JAKMIP1: variants seen among roughly 807,000 people sequenced by gnomAD.
The protein encoded by JAKMIP1 is janus kinase and microtubule interacting protein 1.
In JAKMIP1, 33 loss-of-function variants were observed where a neutral mutation model predicts 113.0. That is an observed-to-expected ratio of 0.29 (90% CI 0.22 to 0.39). The LOEUF is 0.39. Among genes scored for constraint, JAKMIP1 ranks in the 10% least tolerant of loss-of-function variants. The probability of loss-of-function intolerance (pLI) is 1.00; values close to 1 mark genes in which losing one functional copy is unlikely to be tolerated. For missense variants in JAKMIP1, 813 were observed against 1,080.5 expected, an observed-to-expected ratio of 0.75 and a Z score of 3.47; for synonymous variants, 480 against 459.9, an observed-to-expected ratio of 1.04 and a Z score of -0.56.
intron 1 of JAKMIP1, among the ~76,000 whole-genome samples, chr4:6,189,515 A>G (rs569122724): frequency 2.0e-5 from 3 of 152,316 alleles, no homozygotes; most frequent in South Asian, 2.1e-4. Flanking sequence ...CCCTCCCAAC[A>G]CTGACATTAT....
chr4:6,070,305 C>T lies in JAKMIP1; in HGVS notation c.1303-5297G>A, dbSNP rs147857326. On this transcript the variant is annotated intron_variant, in intron 8 of 20. Coordinates refer to ENST00000409021, the MANE Select transcript of JAKMIP1 (RefSeq NM_001099433.2). Reference sequence around the variant, plus strand: ...CCACGCACTCCCCTTTCCTCTAACACACCCGCCCTAGCAACTCCACGGCTT... The same window carrying T: ...CCACGCACTCCCCTTTCCTCTAACATACCCGCCCTAGCAACTCCACGGCTT... The T allele has an allele frequency of 2.4e-4, 94 of 388,936 alleles. 1 individual carries two copies. Among genetic ancestry groups the T allele is most frequent in the African/African-American group, 1.0e-3 (51 of 48,594 alleles). 24.1% of individuals were successfully genotyped at this position (388,936 alleles called of 1,614,324 possible). A position where few individuals can be genotyped will look rare whatever the true frequency, so the allele number is the denominator to read the frequency against.
Position 6,186,355 on chromosome 4 carries a change from G to A in JAKMIP1, c.-148+13898C>T, listed in dbSNP as rs1726656160. On this transcript the variant is annotated intron_variant, in intron 1 of 20. Transcript: ENST00000409021. This position sits in a 1 kb window ranked among gnomAD's most constrained non-coding sequence, Gnocchi z 5.5. The stretch of plus-strand genomic sequence containing the variant: ...TTAGAGTCAGGGAAGTAGTCAAGTA[G>A]TCAGTTTGCAAAGGCAAGTGAAGGG... Among the ~76,000 whole-genome samples, 1 of 152,182 alleles carries A rather than the reference G, an allele frequency of 6.6e-6. No individual in the cohort carries two copies. Among genetic ancestry groups the A allele is most frequent in the Admixed American group, 6.5e-5 (1 of 15,280 alleles).
rs1304972748 is a variant in JAKMIP1 at position 6,167,674 on chromosome 4, T to C, written c.-148+32579A>G. Among the ~76,000 whole-genome samples the C allele has an allele frequency of 2.0e-5, 3 of 152,298 alleles. No homozygotes were observed. The highest frequency in any genetic ancestry group is 2.1e-4 in the South Asian group (1 of 4,830). ...ACTTCCATGGGCCGGGCACTGAGCT[T>C]AGAGTGACACGTGTCAGCTCCCTCC... On this transcript the variant is annotated intron_variant, in intron 1 of 20. Transcript: ENST00000409021. The surrounding 1 kb of genome is among the most constrained non-coding windows in gnomAD (Gnocchi z 5.3).
chr4:6,107,427 C>G (rs1026485797), intron 2 of JAKMIP1, among the ~76,000 whole-genome samples: 1 of 152,166 alleles, frequency 6.6e-6, no homozygotes, highest in East Asian at 1.9e-4. Context: ...AATGCCCAGT[C>G]GTTTGGTCAA....
intron 3 of JAKMIP1, among the ~76,000 whole-genome samples, chr4:6,092,485 C>T (rs984264035): frequency 1.3e-5 from 2 of 152,234 alleles, no homozygotes; most frequent in Admixed American, 6.5e-5. Flanking sequence ...TGGGAATGCA[C>T]GGGGCTTGGC....
chr4:6,112,461 CAA>C (rs999309534), intron 2 of JAKMIP1, among the ~76,000 whole-genome samples: 6 of 152,238 alleles, frequency 3.9e-5, no homozygotes, highest in Non-Finnish European at 8.8e-5. Context: ...TTTCTTCTGA[CAA>C]CCCCCATCTT....
chr4:6,028,476 G>C (rs1269323098), intron 20 of JAKMIP1, among the ~76,000 whole-genome samples: 1 of 152,192 alleles, frequency 6.6e-6, no homozygotes. Context: ...AGAAGGGAGA[G>C]GAAGCATCTG....
rs148992276 is a variant in JAKMIP1 at position 6,156,205 on chromosome 4, C to T, written c.-147-43208G>A. On this transcript the variant is annotated intron_variant, in intron 1 of 20. Transcript: ENST00000409021. This position sits in a 1 kb window ranked among gnomAD's most constrained non-coding sequence, Gnocchi z 5.0. ...CGCCCGGCACAGAGCCAGCCAGCCACGCGCAAAGCCAGCCCTCGGAAGTGG... is the reference window on the plus strand; with the variant it reads ...CGCCCGGCACAGAGCCAGCCAGCCATGCGCAAAGCCAGCCCTCGGAAGTGG... 1.2e-3 allele frequency among the ~76,000 whole-genome samples: 189 copies of T among 152,368 alleles called. 1 individual carries two copies. Among genetic ancestry groups the T allele is most frequent in the African/African-American group, 4.1e-3 (170 of 41,578 alleles).
chr4:6,065,996 G>GT lies in JAKMIP1; in HGVS notation c.1303-989dup, dbSNP rs529570482. Among the ~76,000 whole-genome samples, 12 of 151,214 alleles carry GT rather than the reference G, an allele frequency of 7.9e-5. No individual in the cohort carries two copies. Among genetic ancestry groups the GT allele is most frequent in the Admixed American group, 1.3e-4 (2 of 15,130 alleles). ...TATTTTAGGAACATAGCTTTTTTGGGTTTTTTTTTCCCAAACAGCCCCCGA... is the reference window on the plus strand; with the variant it reads ...TATTTTAGGAACATAGCTTTTTTGGGTTTTTTTTTTCCCAAACAGCCCCCGA... On this transcript the variant is annotated intron_variant, in intron 8 of 20. Coordinates refer to ENST00000409021, the MANE Select transcript of JAKMIP1 (RefSeq NM_001099433.2). The surrounding 1 kb of genome is among the most constrained non-coding windows in gnomAD (Gnocchi z 5.1).
Position 6,134,493 on chromosome 4 carries a change from A to G in JAKMIP1, c.-147-21496T>C, listed in dbSNP as rs73795740. On this transcript the variant is annotated intron_variant, in intron 1 of 20. Transcript: ENST00000409021. Reference sequence around the variant, plus strand: ...TTCTTTAAAATTCAGCTTGGGCATCACCTCCTCTGGGATGCTTTAGCTGGC... The same window carrying G: ...TTCTTTAAAATTCAGCTTGGGCATCGCCTCCTCTGGGATGCTTTAGCTGGC... Among the ~76,000 whole-genome samples, 302 of 151,686 alleles carry G rather than the reference A, an allele frequency of 2.0e-3. 3 individuals carry two copies. The highest frequency in any genetic ancestry group is 6.9e-3 in the African/African-American group (285 of 41,134).
intron 18 of JAKMIP1, among the ~76,000 whole-genome samples, chr4:6,039,730 C>T (rs1442396742): frequency 1.3e-5 from 2 of 152,166 alleles, no homozygotes; most frequent in Non-Finnish European, 2.9e-5. Flanking sequence ...CTCACAGCCT[C>T]GACAGGAAGG....
At chr4:6,109,326 A>G (rs531060349) in intron 2 of JAKMIP1, among the ~76,000 whole-genome samples, 97 of 151,436 alleles carry the variant, frequency 6.4e-4, no homozygotes, top group South Asian at 3.3e-3. Context: ...GTAGAGACAG[A>G]GTTTCACTGT....
intron 3 of JAKMIP1, among the ~76,000 whole-genome samples, chr4:6,091,270 C>T (rs1722026074): frequency 6.6e-6 from 1 of 152,090 alleles, no homozygotes; most frequent in South Asian, 2.1e-4. Flanking sequence ...TTGTTTGGCA[C>T]TGAAATGGAA....
chr4:6,026,239 G>A lies in JAKMIP1; in HGVS notation c.2485C>T (p.Leu829=). The A allele has an allele frequency of 1.3e-6, 2 of 1,546,816 alleles. No homozygotes were observed. Among genetic ancestry groups the A allele is most frequent in the Non-Finnish European group, 1.7e-6 (2 of 1,143,696 alleles). The part of the protein sequence containing the change: ...LFLFFSLAFI[L]WP The stretch of plus-strand genomic sequence containing the variant: ...GCTCACTGAAGTCATCAAGGCCACA[G>A]AATGAATGCTAGTGAGAAAAACAAA... Residue 829 remains leucine, a synonymous_variant, in exon 21 of 21, where the codon CTG becomes TTG. Coordinates refer to ENST00000409021, the MANE Select transcript of JAKMIP1 (RefSeq NM_001099433.2).
At chr4:6,112,458 T>C (rs1043593546) in intron 2 of JAKMIP1, among the ~76,000 whole-genome samples, 3 of 152,236 alleles carry the variant, frequency 2.0e-5, no homozygotes, top group Admixed American at 6.5e-5. Flanking sequence ...ATTTTTCTTC[T>C]GACAACCCCC....
At chr4:6,122,101 T>A (rs1321208991) in intron 1 of JAKMIP1, among the ~76,000 whole-genome samples, 1 of 152,204 alleles carries the variant, frequency 6.6e-6, no homozygotes, top group African/African-American at 2.4e-5. Flanking sequence ...CCTTAGCACT[T>A]TGGGAGGCCG....
chr4:6,148,150 T>A (rs1052850155), intron 1 of JAKMIP1, among the ~76,000 whole-genome samples: 1 of 152,236 alleles, frequency 6.6e-6, no homozygotes, highest in African/African-American at 2.4e-5. Context: ...GAAGATGTCC[T>A]GGGTTGGGTA....
chr4:6,143,056 A>C lies in JAKMIP1; in HGVS notation c.-147-30059T>G, dbSNP rs1342301859. ...TCTGGAAGGCTGAAGTTCAACACAG[A>C]CTCTGGCTCTGCCTCACTGTGTGAC... is the stretch of plus-strand genomic sequence containing the variant. On this transcript the variant is annotated intron_variant, in intron 1 of 20. Coordinates refer to ENST00000409021, the MANE Select transcript of JAKMIP1 (RefSeq NM_001099433.2). This position sits in a 1 kb window ranked among gnomAD's most constrained non-coding sequence, Gnocchi z 4.9. 6.6e-6 allele frequency among the ~76,000 whole-genome samples: 1 copy of C among 151,804 alleles called. No homozygotes were observed. The highest frequency in any genetic ancestry group is 2.4e-5 in the African/African-American group (1 of 41,308).
At chr4:6,148,688 C>T (rs899944606) in intron 1 of JAKMIP1, among the ~76,000 whole-genome samples, 1 of 152,222 alleles carries the variant, frequency 6.6e-6, no homozygotes, top group Non-Finnish European at 1.5e-5. Context: ...GGCAGCCCTG[C>T]GTTCTTGTTT....
Sources: gnomAD v4.1 joint callset for allele counts (sites outside exome capture counted in the v4.1 genomes callset) on GRCh38, gnomAD v4.1.1 for gene constraint, Gnocchi (gnomAD v3.1) non-coding constraint, MANE v1.5 for transcripts, NCBI Gene and HGNC (gene_info 2026-07-23, HGNC 2026-07-21) for gene names.